The following PIP5K1B variants were observed in gnomAD, a reference collection of about 807,000 sequenced individuals.
PIP5K1B encodes the protein phosphatidylinositol-4-phosphate 5-kinase type 1 beta, also known as phosphatidylinositol 4-phosphate 5-kinase type-1 beta.
A neutral mutation model predicts 67.0 loss-of-function variants in PIP5K1B; 42 were observed. The ratio of observed to expected loss-of-function variants is 0.63; its 90% CI spans 0.49 to 0.81. The LOEUF is 0.81. PIP5K1B is among the 30% of genes least tolerant of loss of function. The probability of loss-of-function intolerance (pLI) is 0.00; values close to 1 mark genes in which losing one functional copy is unlikely to be tolerated. For missense variants in PIP5K1B, 459 were observed against 646.3 expected (o/e 0.71, Z 3.14); for synonymous variants, 214 against 231.4 (o/e 0.92, Z 0.68).
At chr9:68,830,091 G>A (rs945248858) in intron 4 of PIP5K1B, among the ~76,000 whole-genome samples, 20 of 151,860 alleles carry the variant, frequency 1.3e-4, no homozygotes, top group African/African-American at 4.6e-4. Context: ...AACGGGTGCC[G>A]CTGTGCTGAA....
At chr9:68,916,843 GC>G (rs1826120670) in intron 8 of PIP5K1B, among the ~76,000 whole-genome samples, 1 of 151,512 alleles carries the variant, frequency 6.6e-6, no homozygotes, top group Non-Finnish European at 1.5e-5. Flanking sequence ...GTGCACTCCA[GC>G]CTGGGCGACA....
At chr9:68,987,156 A>G (rs1441131991) in intron 14 of PIP5K1B, among the ~76,000 whole-genome samples, 1 of 152,138 alleles carries the variant, frequency 6.6e-6, no homozygotes, top group Admixed American at 6.6e-5. Context: ...GGAGGCTAAG[A>G]GAGGAGAATC....
intron 4 of PIP5K1B, among the ~76,000 whole-genome samples, chr9:68,836,241 T>G (rs1264711941): frequency 1.3e-5 from 2 of 152,234 alleles, no homozygotes; most frequent in Non-Finnish European, 2.9e-5. Context: ...ATTTATTAAT[T>G]ATTCTAATCT....
intron 14 of PIP5K1B, chr9:68,966,385 TAATC>T (rs1829034761): frequency 6.6e-6 from 1 of 152,204 alleles, no homozygotes; most frequent in African/African-American, 2.4e-5. Context: ...CTCAGCCAGG[TAATC>T]AAGGTAAACA....
chr9:68,997,141 G>A (rs763796930), intron 15 of PIP5K1B, among the ~76,000 whole-genome samples: 6 of 152,138 alleles, frequency 3.9e-5, no homozygotes, highest in Non-Finnish European at 5.9e-5. Flanking sequence ...TGGGAAGAAG[G>A]GTGGCAGAGA....
At chr9:68,885,948 G>A (rs921545548) in intron 6 of PIP5K1B, among the ~76,000 whole-genome samples, 11 of 152,314 alleles carry the variant, frequency 7.2e-5, no homozygotes, top group East Asian at 1.9e-4. Flanking sequence ...TTGGGAGGGC[G>A]AGGCCGGCGG....
intron 2 of PIP5K1B, among the ~76,000 whole-genome samples, chr9:68,809,625 C>T (rs146014047): frequency 1.1e-4 from 16 of 152,318 alleles, no homozygotes; most frequent in African/African-American, 2.6e-4. Flanking sequence ...TCTCTGAGTA[C>T]ACCCATGAAA....
chr9:68,925,405 G>A (rs1024221999), intron 12 of PIP5K1B, among the ~76,000 whole-genome samples: 3 of 152,094 alleles, frequency 2.0e-5, no homozygotes, highest in Non-Finnish European at 4.4e-5. Context: ...TTTAAATTAT[G>A]CCACTCTGAT....
At chr9:68,949,746 T>C (rs1827967537) in intron 14 of PIP5K1B, among the ~76,000 whole-genome samples, 1 of 152,204 alleles carries the variant, frequency 6.6e-6, no homozygotes, top group Non-Finnish European at 1.5e-5. Flanking sequence ...CAGAATCATA[T>C]AGCAGATTCA....
intron 14 of PIP5K1B, among the ~76,000 whole-genome samples, chr9:68,989,267 G>A (rs1264973041): frequency 2.0e-5 from 3 of 152,114 alleles, no homozygotes; most frequent in Admixed American, 2.0e-4. Context: ...GAAAGACAGA[G>A]ATTATAATGT....
intron 1 of PIP5K1B, among the ~76,000 whole-genome samples, chr9:68,724,988 T>C (rs1047502866): frequency 6.6e-6 from 1 of 152,190 alleles, no homozygotes; most frequent in East Asian, 1.9e-4. Flanking sequence ...TGGCTGAATG[T>C]TCTATTTCTG....
intron 15 of PIP5K1B, among the ~76,000 whole-genome samples, chr9:69,005,482 G>T (rs1372305351): frequency 6.6e-6 from 1 of 152,130 alleles, no homozygotes; most frequent in Non-Finnish European, 1.5e-5. Context: ...CCGCCTCCCA[G>T]GTTCAAGCAA....
chr9:68,974,993 G>C (rs546232003), intron 14 of PIP5K1B, among the ~76,000 whole-genome samples: 2 of 152,282 alleles, frequency 1.3e-5, no homozygotes, highest in African/African-American at 4.8e-5. Context: ...GCAATTCCTG[G>C]TCACTAATAA....
intron 15 of PIP5K1B, among the ~76,000 whole-genome samples, chr9:68,999,859 G>C (rs900535270): frequency 2.0e-5 from 3 of 152,198 alleles, no homozygotes; most frequent in Non-Finnish European, 4.4e-5. Flanking sequence ...GGAGCCCCTA[G>C]AGTTGAAACG....
chr9:68,798,608 G>A (rs1376730279), intron 2 of PIP5K1B, among the ~76,000 whole-genome samples: 1 of 152,138 alleles, frequency 6.6e-6, no homozygotes, highest in Non-Finnish European at 1.5e-5. Flanking sequence ...GGAGGCTGGT[G>A]AGCAAGAGGA....
chr9:68,711,561 C>T lies in PIP5K1B; in HGVS notation c.-243+5799C>T, dbSNP rs1827394166. On this transcript the variant is annotated intron_variant, in intron 1 of 15. Coordinates refer to ENST00000265382, the MANE Select transcript of PIP5K1B (RefSeq NM_003558.4). The stretch of plus-strand genomic sequence containing the variant: ...ATATATCCAAATGAATATCACTCTT[C>T]AAAATCTTGGGATGTTCCATAATTA... 2.6e-5 allele frequency among the ~76,000 whole-genome samples: 4 copies of T among 152,278 alleles called. 1 individual carries two copies. Among genetic ancestry groups the T allele is most frequent in the East Asian group, 1.9e-4 (1 of 5,192 alleles).
At chr9:68,802,525 G>GAACT (rs2131987577) in intron 2 of PIP5K1B, among the ~76,000 whole-genome samples, 1 of 152,220 alleles carries the variant, frequency 6.6e-6, no homozygotes, top group East Asian at 1.9e-4. Context: ...TTTAAACTGA[G>GAACT]GATTACAATA....
chr9:68,925,283 G>GGGTA (rs1198754528), intron 12 of PIP5K1B, among the ~76,000 whole-genome samples: 1 of 152,092 alleles, frequency 6.6e-6, no homozygotes, highest in Non-Finnish European at 1.5e-5. Context: ...TCCAAGAAAG[G>GGGTA]GGTACTAGGG....
chr9:68,893,847 TC>T (rs1413174860), intron 7 of PIP5K1B, among the ~76,000 whole-genome samples: 1 of 152,248 alleles, frequency 6.6e-6, no homozygotes, highest in Non-Finnish European at 1.5e-5. Context: ...TTTTCACTAA[TC>T]ATGCTTACAA....
Sources: gnomAD v4.1 joint callset for allele counts (sites outside exome capture counted in the v4.1 genomes callset) on GRCh38, gnomAD v4.1.1 for gene constraint, MANE v1.5 for transcripts, NCBI Gene and HGNC (gene_info 2026-07-23, HGNC 2026-07-21) for gene names.